Variants in TCF20 observed in about 807,000 individuals in gnomAD.
TCF20 encodes the protein SPRE-binding protein.
Under a neutral mutation model 148.6 loss-of-function variants are expected in TCF20, and 3 were observed. That is an observed-to-expected ratio of 0.02 (90% confidence interval 0.01 to 0.05). The LOEUF is 0.05. Among genes scored for constraint, TCF20 ranks in the 10% least tolerant of loss-of-function variants. TCF20 has a pLI of 1.00. For synonymous variants in TCF20, 1,049 were observed against 909.5 expected, an observed-to-expected ratio of 1.15 and a Z score of -2.76; for missense variants, 2,350 against 2,429.3, an observed-to-expected ratio of 0.97 and a Z score of 0.69.
chr22:42,187,740 C>A (rs12330100), intron 2 of TCF20, among the ~76,000 whole-genome samples: 201 of 152,318 alleles, frequency 1.3e-3, no homozygotes, highest in African/African-American at 4.5e-3. Context: ...AAGGACTTTT[C>A]TCCTTCATTA....
At chr22:42,254,076 C>CAAAAAAAAAA (rs528387021) in intron 1 of TCF20, among the ~76,000 whole-genome samples, 1 of 53,584 alleles carries the variant, frequency 1.9e-5, no homozygotes, top group Admixed American at 2.1e-4. Flanking sequence ...AACTCCCTTT[C>CAAAAAAAAAA]AAAAAAAAAA....
chr22:42,276,566 C>T (rs562557561), intron 1 of TCF20: 39 of 152,314 alleles, frequency 2.6e-4, no homozygotes, highest in African/African-American at 8.9e-4. Context: ...CGTCAAGATT[C>T]CTGGGCCACT....
intron 1 of TCF20, among the ~76,000 whole-genome samples, chr22:42,231,788 G>A (rs1036589163): frequency 1.3e-5 from 2 of 152,014 alleles, no homozygotes; most frequent in Non-Finnish European, 2.9e-5. Flanking sequence ...AATTAGCCAG[G>A]TGTGGTGGCG....
chr22:42,229,701 C>T (rs1923227513), intron 1 of TCF20, among the ~76,000 whole-genome samples: 1 of 152,200 alleles, frequency 6.6e-6, no homozygotes, highest in Non-Finnish European at 1.5e-5. Flanking sequence ...TGTGCTTGGC[C>T]TCTCCCCAAA....
At chr22:42,207,706 T>G (rs1370019210) in intron 2 of TCF20, among the ~76,000 whole-genome samples, 2 of 152,092 alleles carry the variant, frequency 1.3e-5, no homozygotes, top group Admixed American at 1.3e-4. Context: ...TCCCAGCTAC[T>G]CAGGAGGCTG....
Position 42,200,171 on chromosome 22 carries a change from C to T in TCF20, c.5655+9480G>A, listed in dbSNP as rs115869158. 4.3e-3 allele frequency among the ~76,000 whole-genome samples: 648 copies of T among 152,252 alleles called. 11 individuals carry two copies. The highest frequency in any genetic ancestry group is 0.015 in the African/African-American group (626 of 41,552). ...GAACTGCCTTCATATCTAATATTTT[C>T]TTGTCTAATACATATTAAACGCAAA... On this transcript the variant is annotated intron_variant, in intron 2 of 5. Transcript: ENST00000677622.
At chr22:42,218,323 C>T (rs1034450318) in intron 1 of TCF20, among the ~76,000 whole-genome samples, 1 of 152,168 alleles carries the variant, frequency 6.6e-6, no homozygotes, top group South Asian at 2.1e-4. Flanking sequence ...GGTAGCCACC[C>T]ACAATAAATC....
At chr22:42,283,522 C>G (rs1329555223) in intron 1 of TCF20, among the ~76,000 whole-genome samples, 1 of 152,204 alleles carries the variant, frequency 6.6e-6, no homozygotes. Context: ...CGGGCCCCTC[C>G]TCTCCCGGCC....
In TCF20 at chr22:42,212,572, C is replaced by A; in HGVS notation, c.2734G>T (p.Gly912Cys). The stretch of plus-strand genomic sequence containing the variant: ...TTGGTTTCCATGGACACCAAACCAC[C>A]AGGAAGAATGACCGACTGACTTAAA... ...PTLSQSVILP[G>C]GLVSMETKLK... The change falls in exon 2 of 6, where the codon GGT becomes TGT. Residue 912 changes from glycine (G) to cysteine (C), a missense_variant. Physicochemically the swap from Gly to Cys is radical, Grantham distance 159. This residue lies in a region of TCF20 where 1,641 missense variants were observed against 1,662.6 expected (regional missense o/e 0.99). Coordinates refer to ENST00000677622, the MANE Select transcript of TCF20 (RefSeq NM_001378418.1). 1 of 1,614,052 alleles carries A rather than the reference C, an allele frequency of 6.2e-7. No individual in the cohort carries two copies. Among genetic ancestry groups the A allele is most frequent in the Non-Finnish European group, 8.5e-7 (1 of 1,179,902 alleles).
intron 1 of TCF20, among the ~76,000 whole-genome samples, chr22:42,240,900 G>A (rs999500591): frequency 3.3e-5 from 5 of 151,772 alleles, no homozygotes; most frequent in Admixed American, 1.3e-4. Flanking sequence ...GTCCCCCCCA[G>A]GCTGGAGTGC....
intron 2 of TCF20, among the ~76,000 whole-genome samples, chr22:42,203,444 T>C (rs1048258838): frequency 2.6e-5 from 4 of 152,194 alleles, no homozygotes; most frequent in African/African-American, 9.7e-5. Context: ...AGTCCTTCAA[T>C]TTGTCATGAT....
intron 1 of TCF20, among the ~76,000 whole-genome samples, chr22:42,225,947 A>G (rs1172518571): frequency 6.6e-6 from 1 of 152,220 alleles, no homozygotes; most frequent in Non-Finnish European, 1.5e-5. Flanking sequence ...CGGCAGGCCT[A>G]TTATTAGGCA....
At chr22:42,169,444 G>A (rs576450049) in intron 4 of TCF20, among the ~76,000 whole-genome samples, 1 of 152,152 alleles carries the variant, frequency 6.6e-6, no homozygotes, top group Non-Finnish European at 1.5e-5. Context: ...TGGTCAGCTC[G>A]ACTTCTAGTC....
At chr22:42,197,019 CA>C (rs981437214) in intron 2 of TCF20, among the ~76,000 whole-genome samples, 4 of 152,330 alleles carry the variant, frequency 2.6e-5, no homozygotes, top group Non-Finnish European at 5.9e-5. Context: ...TGCATACAAC[CA>C]AAATCACTCC....
chr22:42,316,094 C>A (rs1056907870), intron 1 of TCF20, among the ~76,000 whole-genome samples: 35 of 107,852 alleles, frequency 3.2e-4, no homozygotes, highest in African/African-American at 1.2e-3. Flanking sequence ...AGTGACAGAA[C>A]AAGACTCTGT....
Position 42,214,569 on chromosome 22 carries a change from G to T in TCF20, c.737C>A (p.Ser246Tyr). ...QSSASSSSSS[S>Y]FPSPQRFSQS... is the part of the protein sequence containing the mutation. ...GCTAAAACGCTGTGGTGAAGGGAAG[G>T]AGGAGGAGGAGGAGGAGGAAGCAGA... Residue 246 changes from serine to tyrosine, a missense_variant, in exon 2 of 6, where the codon TCC becomes TAC. Coordinates refer to ENST00000677622, the MANE Select transcript of TCF20 (RefSeq NM_001378418.1). The T allele has an allele frequency of 1.9e-6, 3 of 1,594,490 alleles. No individual in the cohort carries two copies. Among genetic ancestry groups the T allele is most frequent in the Non-Finnish European group, 2.6e-6 (3 of 1,167,228 alleles).
rs943031837 is a variant in TCF20 at position 42,226,149 on chromosome 22, A to G, written c.-36-10808T>C. ...TCCCAAGATCACTTCAGATGACCAC[A>G]TATGTGAGCAGGATGGCCAAACAGT... On this transcript the variant is annotated intron_variant, in intron 1 of 5. Transcript: ENST00000677622. Among the ~76,000 whole-genome samples, 6 of 152,296 alleles carry G rather than the reference A, an allele frequency of 3.9e-5. 1 individual carries two copies. Among genetic ancestry groups the G allele is most frequent in the South Asian group, 4.1e-4 (2 of 4,828 alleles).
intron 4 of TCF20, among the ~76,000 whole-genome samples, chr22:42,169,261 A>G (rs1935976477): frequency 6.6e-6 from 1 of 151,992 alleles, no homozygotes. Flanking sequence ...CATATGTGGT[A>G]TCCACAAACA....
rs1443551124 is a variant in TCF20, at chr22:42,299,962, G to A, written c.-37+43517C>T. 4.1e-5 allele frequency among the ~76,000 whole-genome samples: 6 copies of A among 147,330 alleles called. No homozygotes were observed. The highest frequency in any genetic ancestry group is 1.0e-4 in the African/African-American group (4 of 39,746). On this transcript the variant is annotated intron_variant, in intron 1 of 1. Transcript: ENST00000515426. This position sits in a 1 kb window ranked among gnomAD's most constrained non-coding sequence, Gnocchi z 4.1. ...AAAGGAGAGGAGGGGAAGGAAGGGC[G>A]GGGAGGGGGAGGGGGAGGGGCGCGC...
Sources: allele counts gnomAD v4.1 joint callset (sites outside exome capture counted in the v4.1 genomes callset), GRCh38; gene constraint gnomAD v4.1.1; regional missense constraint gnomAD v4.1.1; non-coding constraint Gnocchi (gnomAD v3.1); transcripts MANE v1.5; gene names NCBI Gene and HGNC (gene_info 2026-07-23, HGNC 2026-07-21).